RANBP9: variants seen among roughly 807,000 people sequenced by gnomAD.
RANBP9 encodes the protein ran-binding protein 9.
Under a neutral mutation model 84.3 loss-of-function variants are expected in RANBP9, and 15 were observed. That is an observed-to-expected ratio of 0.18 (90% CI 0.12 to 0.27). The LOEUF (loss-of-function observed/expected upper bound fraction) is 0.27. RANBP9 is among the 10% of genes least tolerant of loss of function. RANBP9 has a pLI of 1.00. For missense variants in RANBP9, 809 were observed against 912.8 expected (o/e 0.89, Z 1.46); for synonymous variants, 392 against 349.6 (o/e 1.12, Z -1.35).
intron 2 of RANBP9, 151 bp downstream of exon 2, chr6:13,696,634 A>G: frequency 1.8e-6 from 1 of 565,610 alleles, no homozygotes; most frequent in Non-Finnish European, 3.0e-6. Context: ...ATTTAAGCAT[A>G]ACCAGATCCA....
intron 2 of RANBP9, among the ~76,000 whole-genome samples, chr6:13,696,161 A>G (rs549941045): frequency 6.5e-4 from 99 of 152,302 alleles, no homozygotes; most frequent in African/African-American, 2.3e-3. Context: ...ATCCTAATTT[A>G]GGAACTTTTG....
Position 13,710,949 on chromosome 6 carries a change from C to G in RANBP9, c.557G>C (p.Arg186Pro). Reference protein sequence around the residue: ...SYIGLSQNNLRVHYKGHGKTP... With the variant: ...SYIGLSQNNLPVHYKGHGKTP... The stretch of plus-strand genomic sequence containing the variant: ...ACGCCCAGTACCTTTGTAGTGCACC[C>G]GCAGGTTGTTCTGAGAGAGGCCGAT... Residue 186 changes from arginine (R) to proline (P), a missense_variant, in exon 1 of 14, where the codon CGG becomes CCG. Physicochemically the swap from Arg to Pro is moderately radical, Grantham distance 103 (BLOSUM62 -2). Coordinates refer to ENST00000011619, the MANE Select transcript of RANBP9 (RefSeq NM_005493.3). 1 of 1,608,502 alleles carries G rather than the reference C, an allele frequency of 6.2e-7. No homozygotes were observed. Among genetic ancestry groups the G allele is most frequent in the Non-Finnish European group, 8.5e-7 (1 of 1,177,734 alleles).
intron 1 of RANBP9, among the ~76,000 whole-genome samples, chr6:13,704,626 G>A (rs1304514612): frequency 1.3e-5 from 2 of 150,486 alleles, no homozygotes; most frequent in Admixed American, 1.3e-4. Flanking sequence ...GTCAGACCCT[G>A]CCTCAAAAGA....
intron 2 of RANBP9, among the ~76,000 whole-genome samples, chr6:13,694,883 G>A (rs559102641): frequency 2.6e-5 from 4 of 152,202 alleles, no homozygotes; most frequent in South Asian, 2.1e-4. Flanking sequence ...GCAGTTTCAA[G>A]CATCCACAAA....
At chr6:13,647,421 T>C (rs938507316) in intron 5 of RANBP9, among the ~76,000 whole-genome samples, 17 of 152,062 alleles carry the variant, frequency 1.1e-4, no homozygotes, top group African/African-American at 4.1e-4. Flanking sequence ...AATTGATCAA[T>C]TGTGGTAGTA....
intron 2 of RANBP9, among the ~76,000 whole-genome samples, chr6:13,663,013 G>T (rs916963327): frequency 6.6e-6 from 1 of 151,914 alleles, no homozygotes; most frequent in Admixed American, 6.6e-5. Flanking sequence ...GGACAGAAAA[G>T]AAATTGAAAA....
At chr6:13,675,464 T>A (rs1194988475) in intron 2 of RANBP9, among the ~76,000 whole-genome samples, 2 of 152,098 alleles carry the variant, frequency 1.3e-5, no homozygotes, top group African/African-American at 4.8e-5. Context: ...GAAAACAACT[T>A]ATCAAAATTT....
At chr6:13,658,680 G>A (rs1239050291) in intron 3 of RANBP9, 100 bp downstream of exon 3, 1 of 1,006,954 alleles carries the variant, frequency 9.9e-7, no homozygotes, top group South Asian at 1.4e-5. Flanking sequence ...TAAAAACACA[G>A]AAAATCAGTA....
intron 10 of RANBP9, among the ~76,000 whole-genome samples, chr6:13,635,025 T>C (rs1285156392): frequency 1.3e-5 from 2 of 152,130 alleles, no homozygotes; most frequent in Non-Finnish European, 2.9e-5. Context: ...GACCTCATAC[T>C]CAATCCACTC....
intron 12 of RANBP9, among the ~76,000 whole-genome samples, chr6:13,627,145 T>C (rs1365951714): frequency 1.3e-5 from 2 of 152,180 alleles, no homozygotes; most frequent in African/African-American, 4.8e-5. Context: ...GCTATGCAGG[T>C]GCTTGGTACA....
chr6:13,644,942 CAA>C (rs1040412967), intron 5 of RANBP9, among the ~76,000 whole-genome samples: 2 of 152,040 alleles, frequency 1.3e-5, no homozygotes, highest in East Asian at 1.9e-4. Context: ...CAAGAAAAAA[CAA>C]AGAGACCCAA....
At chr6:13,631,682 A>C (rs748126136) in intron 12 of RANBP9, among the ~76,000 whole-genome samples, 1 of 152,184 alleles carries the variant, frequency 6.6e-6, no homozygotes, top group Admixed American at 6.5e-5. Context: ...TTCAGAAGAA[A>C]ATGTTTACAA....
chr6:13,671,560 A>G (rs1765779474), intron 2 of RANBP9, among the ~76,000 whole-genome samples: 1 of 152,220 alleles, frequency 6.6e-6, no homozygotes, highest in Non-Finnish European at 1.5e-5. Flanking sequence ...CACATTTTGT[A>G]TAATTCCATT....
In RANBP9 at chr6:13,700,787, C is replaced by T. The variant is rs141480967; in HGVS notation, c.572-3891G>A. Among the ~76,000 whole-genome samples, 130 of 152,296 alleles carry T rather than the reference C, an allele frequency of 8.5e-4. 1 individual carries two copies. Among genetic ancestry groups the T allele is most frequent in the African/African-American group, 2.6e-3 (106 of 41,556 alleles). ...CAACAGACCAAGCCACCTGTAATAT[C>T]GGGCACAGTGAAAATTTAACTGGGC... On this transcript the variant is annotated intron_variant, in intron 1 of 13. Transcript: ENST00000011619.
At position 13,641,309 on chromosome 6, in the gene RANBP9, T is replaced by C; in HGVS notation, c.1226-2A>G. On this transcript the variant is annotated splice_acceptor_variant, in intron 7 of 13. Transcript: ENST00000011619. LOFTEE classifies it high-confidence loss of function. ...CTGCTAATACCAATTTCTGAATTCC[T>C]ATTCAGTAAAAGAAAGCAAACGATT... The C allele has an allele frequency of 6.4e-7, 1 of 1,566,606 alleles. No individual in the cohort carries two copies.
chr6:13,683,180 CTAA>C (rs558184888), intron 2 of RANBP9, among the ~76,000 whole-genome samples: 6 of 152,182 alleles, frequency 3.9e-5, no homozygotes, highest in Admixed American at 1.3e-4. Context: ...ATCCATACTA[CTAA>C]ATCATCCACA....
intron 2 of RANBP9, among the ~76,000 whole-genome samples, chr6:13,689,309 T>C (rs1317963213): frequency 1.3e-5 from 2 of 151,438 alleles, no homozygotes; most frequent in Admixed American, 6.6e-5. Flanking sequence ...TCTCACTCTG[T>C]CGCTAGGCTG....
intron 10 of RANBP9, 23 bp from the exon 11 acceptor site, chr6:13,634,575 A>C: frequency 6.3e-7 from 1 of 1,579,354 alleles, no homozygotes; most frequent in Non-Finnish European, 8.7e-7. Context: ...AAACAAACCT[A>C]ATTTTAGAAA....
rs146886078 is a variant in RANBP9 at position 13,674,486 on chromosome 6, C to T, written c.684-15654G>A. On this transcript the variant is annotated intron_variant, in intron 2 of 13. Coordinates refer to ENST00000011619, the MANE Select transcript of RANBP9 (RefSeq NM_005493.3). ...ATAACAATCCTTAATTGTCAAGGGT[C>T]GTGATCAACTCAGTATAGTACTGGA... 2.2e-4 allele frequency among the ~76,000 whole-genome samples: 34 copies of T among 152,260 alleles called. No homozygotes were observed. The South Asian group carries it at 5.4e-3, about 24-fold the overall frequency.
Sources: gnomAD v4.1 joint callset for allele counts (sites outside exome capture counted in the v4.1 genomes callset) on GRCh38, gnomAD v4.1.1 for gene constraint, MANE v1.5 for transcripts, NCBI Gene and HGNC (gene_info 2026-07-23, HGNC 2026-07-21) for gene names.